The following RSPH1 variants were observed in gnomAD, a reference collection of about 807,000 sequenced individuals.
RSPH1 encodes radial spoke head component 1, also known as radial spoke head 1 homolog.
Under a neutral mutation model 44.2 loss-of-function variants are expected in RSPH1, and 32 were observed. The observed-to-expected ratio is 0.72, with a 90% CI of 0.55 to 0.97. The LOEUF (loss-of-function observed/expected upper bound fraction) is 0.97. Ranked by LOEUF, RSPH1 falls within the 50% of genes least tolerant of loss-of-function variation. The pLI, the probability that RSPH1 is intolerant of heterozygous loss-of-function variation, is 0.00. For synonymous variants in RSPH1, 134 were observed against 147.3 expected, an observed-to-expected ratio of 0.91 and a Z score of 0.65; for missense variants, 391 against 398.7, an observed-to-expected ratio of 0.98 and a Z score of 0.16.
chr21:42,484,327 C>T (rs889129098), intron 5 of RSPH1, among the ~76,000 whole-genome samples: 27 of 152,112 alleles, frequency 1.8e-4, no homozygotes, highest in African/African-American at 6.3e-4. Flanking sequence ...TGGGCACTAC[C>T]GATTGTGATT....
At chr21:42,482,831 G>A (rs2054143131) in intron 5 of RSPH1, 123 bp from the exon 6 acceptor site, 2 of 636,484 alleles carry the variant, frequency 3.1e-6, no homozygotes, top group East Asian at 5.8e-5. Context: ...ATGGATTAAG[G>A]AATGCTTTTG....
Position 42,477,365 on chromosome 21 carries a change from G to GC in RSPH1, c.652dup (p.Ala218GlyfsTer25). The GC allele has an allele frequency of 6.2e-7, 1 of 1,610,104 alleles. No individual in the cohort carries two copies. Among genetic ancestry groups the GC allele is most frequent in the Non-Finnish European group, 8.5e-7 (1 of 1,178,400 alleles). On this transcript the variant is annotated frameshift_variant, in exon 7 of 9. Coordinates refer to ENST00000291536, the MANE Select transcript of RSPH1 (RefSeq NM_080860.4). LOFTEE classifies it high-confidence loss of function. ...TTTGGGGAGAGTTGGTGTCCACAGG[G>GC]CCAATTCAGTGATTTGGGTAGCTTT...
chr21:42,481,985 C>G (rs983043894), intron 6 of RSPH1, among the ~76,000 whole-genome samples: 23 of 152,196 alleles, frequency 1.5e-4, no homozygotes, highest in Admixed American at 1.5e-3. Flanking sequence ...AGTCACTGGA[C>G]AAACTGTGGC....
rs1414152591 is a variant in RSPH1 at position 42,472,649 on chromosome 21, G to T, written c.*169C>A. ...GACAGGGTCTCGCTCTGCCACCCAGGCTGGAGAGCAGTGGCGCGATCTCCA... is the reference window on the plus strand; with the variant it reads ...GACAGGGTCTCGCTCTGCCACCCAGTCTGGAGAGCAGTGGCGCGATCTCCA... On this transcript the variant is annotated 3_prime_UTR_variant, in exon 9 of 9. Transcript: ENST00000291536. 3 of 508,430 alleles carry T rather than the reference G, an allele frequency of 5.9e-6. No individual in the cohort carries two copies. The highest frequency in any genetic ancestry group is 3.9e-5 in the African/African-American group (2 of 50,662). The allele number at this position is 508,430 out of a possible 1,614,324, so 31.5% of individuals were successfully genotyped here.
intron 7 of RSPH1, among the ~76,000 whole-genome samples, 191 bp downstream of exon 7, chr21:42,477,100 G>GA (rs2054067104): frequency 7.2e-6 from 1 of 138,952 alleles, no homozygotes; most frequent in African/African-American, 2.7e-5. Flanking sequence ...CACACCCTCT[G>GA]CCCCCTCCAC....
chr21:42,485,909 G>T, intron 4 of RSPH1, 105 bp from the exon 5 acceptor site: 3 of 1,399,072 alleles, frequency 2.1e-6, no homozygotes, highest in South Asian at 1.2e-5. Flanking sequence ...GCTGTTGCAG[G>T]CTCACAAGCG....
In RSPH1 at chr21:42,474,615, G is replaced by A. The variant is rs1388645877; in HGVS notation, c.877+1283C>T. Among the ~76,000 whole-genome samples, 1 of 152,226 alleles carries A rather than the reference G, an allele frequency of 6.6e-6. No homozygotes were observed. The highest frequency in any genetic ancestry group is 6.5e-5 in the Admixed American group (1 of 15,288). The stretch of plus-strand genomic sequence containing the variant: ...ATACTCTAGCCACTCAGTCCTAACA[G>A]AATCCTGTGGACTCCCTACCTACCA... On this transcript the variant is annotated intron_variant, in intron 8 of 8. Coordinates refer to ENST00000291536, the MANE Select transcript of RSPH1 (RefSeq NM_080860.4). The surrounding 1 kb of genome is among the most constrained non-coding windows in gnomAD (Gnocchi z 5.2).
rs537850913 is a variant in RSPH1 at position 42,477,005 on chromosome 21, C to T, written c.727+286G>A. Among the ~76,000 whole-genome samples, 3,104 of 36,434 alleles carry T rather than the reference C, an allele frequency of 0.085. 111 individuals are homozygous for T. The highest frequency in any genetic ancestry group is 0.14 in the Middle Eastern group (12 of 84). 23.9% of individuals were successfully genotyped at this position (36,434 alleles called of 152,430 possible). On this transcript the variant is annotated intron_variant, in intron 7 of 8. Coordinates refer to ENST00000291536, the MANE Select transcript of RSPH1 (RefSeq NM_080860.4). ...GCCCCACACCCTCTGTCCCACAGCC[C>T]GGGGGATGCCCCACACCCTCTGTCC...
intron 1 of RSPH1, among the ~76,000 whole-genome samples, chr21:42,494,869 T>G (rs1049641783): frequency 9.9e-5 from 15 of 151,964 alleles, no homozygotes; most frequent in African/African-American, 3.6e-4. Flanking sequence ...CCGGCTAATT[T>G]TTTGTATTTT....
chr21:42,488,978 G>GT (rs1387605620), intron 3 of RSPH1, among the ~76,000 whole-genome samples: 1 of 150,180 alleles, frequency 6.7e-6, no homozygotes, highest in Non-Finnish European at 1.5e-5. Flanking sequence ...CTTCTCAGGA[G>GT]TAACTCCCAG....
intron 5 of RSPH1, 92 bp downstream of exon 5, chr21:42,485,577 G>GT: frequency 6.8e-7 from 1 of 1,478,524 alleles, no homozygotes; most frequent in Non-Finnish European, 9.4e-7. Context: ...TTTTCTCTGA[G>GT]TTTTTGGTAT....
chr21:42,492,699 A>T, intron 3 of RSPH1, 59 bp downstream of exon 3: 1 of 948,350 alleles, frequency 1.1e-6, no homozygotes, highest in Non-Finnish European at 1.7e-6. Flanking sequence ...AGACAAGTTC[A>T]GTCATAAAGA....
At chr21:42,472,973 C>T in intron 8 of RSPH1, 103 bp from the exon 9 acceptor site, 1 of 763,832 alleles carries the variant, frequency 1.3e-6, no homozygotes, top group South Asian at 1.8e-5. Context: ...ATTATTGTAA[C>T]TATTAAGCAT....
chr21:42,494,400 C>T (rs1028445023), intron 1 of RSPH1, among the ~76,000 whole-genome samples: 11 of 152,170 alleles, frequency 7.2e-5, no homozygotes, highest in Non-Finnish European at 1.5e-4. Flanking sequence ...CCACTAATTC[C>T]TGCCTAGAAT....
rs376321374 is a variant in RSPH1, at chr21:42,493,900, G to A, written c.55-821C>T. On this transcript the variant is annotated intron_variant, in intron 1 of 8. Coordinates refer to ENST00000291536, the MANE Select transcript of RSPH1 (RefSeq NM_080860.4). The stretch of plus-strand genomic sequence containing the variant: ...TGAGTAGCTGAGACTATAGGCATGC[G>A]CCACCATTCCCAGCTAATTTCAAAA... Among the ~76,000 whole-genome samples the A allele has an allele frequency of 9.9e-5, 15 of 152,242 alleles. 2 individuals carry two copies. The highest frequency in any genetic ancestry group is 2.1e-4 in the South Asian group (1 of 4,820).
intron 8 of RSPH1, among the ~76,000 whole-genome samples, chr21:42,473,977 G>A (rs577268438): frequency 1.7e-4 from 26 of 152,122 alleles, no homozygotes; most frequent in Non-Finnish European, 2.8e-4. Context: ...AGTCTCAGAC[G>A]CCCGCTGGTA....
rs780208062 is a variant in RSPH1, at chr21:42,476,067, A to C, written c.728-20T>G. 5 of 1,613,352 alleles carry C rather than the reference A, an allele frequency of 3.1e-6. No individual in the cohort carries two copies. The highest frequency in any genetic ancestry group is 4.2e-6 in the Non-Finnish European group (5 of 1,179,786). On this transcript the variant is annotated intron_variant, in intron 7 of 8. Coordinates refer to ENST00000291536, the MANE Select transcript of RSPH1 (RefSeq NM_080860.4). The stretch of plus-strand genomic sequence containing the variant: ...CTGCACCTGAGATAAAACACAAGTC[A>C]GAAGCCTGAGTTCCTGGGAAAAATG...
chr21:42,476,539 C>A (rs540694931), intron 7 of RSPH1, among the ~76,000 whole-genome samples: 1 of 152,278 alleles, frequency 6.6e-6, no homozygotes, highest in African/African-American at 2.4e-5. Flanking sequence ...GGGGTAGCCA[C>A]CTTCAACTTT....
intron 3 of RSPH1, among the ~76,000 whole-genome samples, chr21:42,487,116 A>C (rs1321863632): frequency 1.3e-5 from 2 of 152,122 alleles, no homozygotes; most frequent in Non-Finnish European, 2.9e-5. Context: ...CCTCACCTCC[A>C]TACGGCTTCT....
Sources: gnomAD v4.1 joint callset for allele counts (sites outside exome capture counted in the v4.1 genomes callset) on GRCh38, gnomAD v4.1.1 for gene constraint, Gnocchi (gnomAD v3.1) non-coding constraint, MANE v1.5 for transcripts, NCBI Gene and HGNC (gene_info 2026-07-23, HGNC 2026-07-21) for gene names.